Variants in NUP98 observed in about 807,000 individuals in gnomAD.
NUP98 encodes the protein nucleoporin 98 and 96 precursor, also known as nuclear pore complex protein Nup98-Nup96.
In NUP98, 26 loss-of-function variants were observed where a neutral mutation model predicts 191.9. That is an observed-to-expected ratio of 0.14 (90% confidence interval 0.10 to 0.19). The LOEUF (loss-of-function observed/expected upper bound fraction) is 0.19, where lower values mean the gene tolerates loss of function less well. NUP98 is among the 10% of genes least tolerant of loss of function. The pLI, the probability that NUP98 is intolerant of heterozygous loss-of-function variation, is 1.00. For missense variants in NUP98, 1,941 were observed against 2,178.8 expected, an observed-to-expected ratio of 0.89 and a Z score of 2.17; for synonymous variants, 808 against 778.4, an observed-to-expected ratio of 1.04 and a Z score of -0.63.
chr11:3,697,392 C>T (rs941347213), intron 25 of NUP98: 23 of 152,208 alleles, frequency 1.5e-4, no homozygotes, highest in African/African-American at 5.1e-4. Context: ...CAAAACTCTT[C>T]AAAATAAATC....
At chr11:3,750,261 A>AC (rs1287604801) in intron 11 of NUP98, among the ~76,000 whole-genome samples, 7 of 152,182 alleles carry the variant, frequency 4.6e-5, no homozygotes, top group Admixed American at 2.6e-4. Flanking sequence ...CTTGGACTAC[A>AC]GGCACATGCC....
At chr11:3,768,277 T>C (rs1476542835) in intron 8 of NUP98, among the ~76,000 whole-genome samples, 1 of 151,888 alleles carries the variant, frequency 6.6e-6, no homozygotes, top group African/African-American at 2.4e-5. Flanking sequence ...AAAAATTAGC[T>C]GGACATGGTG....
chr11:3,774,205 C>G (rs1000868845), intron 5 of NUP98, among the ~76,000 whole-genome samples: 23 of 150,986 alleles, frequency 1.5e-4, no homozygotes, highest in African/African-American at 5.1e-4. Flanking sequence ...CGAGACCAGC[C>G]TGGCTAATAT....
chr11:3,703,003 A>G, intron 22 of NUP98, 111 bp from the exon 23 acceptor site: 4 of 895,364 alleles, frequency 4.5e-6, no homozygotes, highest in Non-Finnish European at 6.7e-6. Context: ...GTTTAATCAA[A>G]CTACTTATAT....
At chr11:3,703,252 T>A (rs746055072) in intron 22 of NUP98, among the ~76,000 whole-genome samples, 1 of 149,466 alleles carries the variant, frequency 6.7e-6, no homozygotes, top group Non-Finnish European at 1.5e-5. Context: ...AGTCTCGCCC[T>A]GTAGCCCAGG....
intron 11 of NUP98, among the ~76,000 whole-genome samples, chr11:3,748,191 T>C (rs756972452): frequency 1.3e-5 from 2 of 152,204 alleles, no homozygotes; most frequent in Admixed American, 6.5e-5. Context: ...AAAAGAATTA[T>C]AGAGTCTTGG....
At chr11:3,686,237 C>T (rs367855775) in intron 28 of NUP98, 43 bp from the exon 29 acceptor site, 42 of 1,555,986 alleles carry the variant, frequency 2.7e-5, no homozygotes, top group African/African-American at 5.4e-5. Flanking sequence ...AGCCAGGAGA[C>T]GGCCTGGACT....
intron 8 of NUP98, among the ~76,000 whole-genome samples, chr11:3,766,689 C>CAAAAAAAAAAA (rs544567161): frequency 1.0e-4 from 6 of 58,880 alleles, no homozygotes; most frequent in African/African-American, 2.8e-4. Flanking sequence ...AACTCCGTCT[C>CAAAAAAAAAAA]AAAAAAAAAA....
chr11:3,731,347 A>G (rs1255133534), intron 14 of NUP98, 44 bp downstream of exon 14: 1 of 1,222,314 alleles, frequency 8.2e-7, no homozygotes. Flanking sequence ...TTTAGTTTAT[A>G]TCAGTATTTT....
At chr11:3,773,554 A>T in intron 6 of NUP98, 78 bp downstream of exon 6, 1 of 914,086 alleles carries the variant, frequency 1.1e-6, no homozygotes, top group Non-Finnish European at 1.7e-6. Flanking sequence ...TCCTAAAGAA[A>T]ATCAAAACCA....
At chr11:3,735,408 A>G in intron 12 of NUP98, 84 bp from the exon 13 acceptor site, 2 of 740,718 alleles carry the variant, frequency 2.7e-6, no homozygotes, top group Middle Eastern at 4.8e-4. Context: ...AGAGCTCGGT[A>G]TTCTTTTTGA....
intron 30 of NUP98, among the ~76,000 whole-genome samples, chr11:3,682,512 G>A (rs2078013091): frequency 6.6e-6 from 1 of 152,188 alleles, no homozygotes; most frequent in Admixed American, 6.5e-5. Context: ...AAATAGGAAG[G>A]CCCAAAGAGA....
chr11:3,686,617 C>T (rs769244040), intron 28 of NUP98, among the ~76,000 whole-genome samples: 10 of 152,126 alleles, frequency 6.6e-5, no homozygotes, highest in Non-Finnish European at 1.3e-4. Flanking sequence ...TTTAAAACTG[C>T]ACGTATCTAG....
chr11:3,773,107 G>C (rs961114943), intron 6 of NUP98, among the ~76,000 whole-genome samples: 11 of 152,024 alleles, frequency 7.2e-5, no homozygotes, highest in African/African-American at 2.4e-4. Context: ...CATCCAATCA[G>C]AACAGATGAT....
At chr11:3,778,795 G>A in intron 4 of NUP98, 78 bp downstream of exon 4, 3 of 1,449,616 alleles carry the variant, frequency 2.1e-6, no homozygotes, top group African/African-American at 1.4e-5. Context: ...GATGAACACA[G>A]AAAAACGGAG....
intron 12 of NUP98, 27 bp from the exon 13 acceptor site, chr11:3,735,351 A>AAC (rs1564860906): frequency 8.3e-6 from 9 of 1,080,684 alleles, no homozygotes; most frequent in Non-Finnish European, 9.8e-6. Context: ...AAGAAAACAA[A>AAC]ATATATATAT....
intron 7 of NUP98, among the ~76,000 whole-genome samples, chr11:3,769,215 A>C (rs1283073199): frequency 6.6e-6 from 1 of 152,210 alleles, no homozygotes; most frequent in Non-Finnish European, 1.5e-5. Context: ...ACTTGAGGAC[A>C]GGAGTTCCTG....
intron 10 of NUP98, among the ~76,000 whole-genome samples, chr11:3,757,784 A>C (rs896599994): frequency 5.9e-5 from 9 of 152,080 alleles, no homozygotes; most frequent in African/African-American, 1.9e-4. Flanking sequence ...GGGTGACAAG[A>C]GCGAAACTCC....
chr11:3,751,662 C>G (rs1293777598), intron 11 of NUP98, among the ~76,000 whole-genome samples: 2 of 152,132 alleles, frequency 1.3e-5, no homozygotes, highest in Admixed American at 6.6e-5. Flanking sequence ...GGTTCGAGAC[C>G]AGCCTGGGCA....
Sources: gnomAD v4.1 joint callset for allele counts (sites outside exome capture counted in the v4.1 genomes callset) on GRCh38, gnomAD v4.1.1 for gene constraint, MANE v1.5 for transcripts, NCBI Gene and HGNC (gene_info 2026-07-23, HGNC 2026-07-21) for gene names.